Variants in GABBR2 observed in about 807,000 individuals in gnomAD.
GABBR2 encodes gamma-aminobutyric acid type B receptor subunit 2, also known as G-protein coupled receptor 51.
In GABBR2, 23 loss-of-function variants were observed where a neutral mutation model predicts 105.6. That is an observed-to-expected ratio of 0.22 (90% CI 0.16 to 0.31). The LOEUF (loss-of-function observed/expected upper bound fraction) is 0.31, where lower values mean the gene tolerates loss of function less well. GABBR2 is among the 10% of genes least tolerant of loss of function. The pLI, the probability that GABBR2 is intolerant of heterozygous loss-of-function variation, is 1.00. For missense variants in GABBR2, 734 were observed against 1,245.5 expected (o/e 0.59, Z 6.18); for synonymous variants, 478 against 499.7 (o/e 0.96, Z 0.58).
At chr9:98,505,138 T>C (rs377073780) in intron 3 of GABBR2, among the ~76,000 whole-genome samples, 4 of 152,366 alleles carry the variant, frequency 2.6e-5, no homozygotes, top group South Asian at 4.1e-4. Context: ...TAGTGAGGTC[T>C]TTCAAAGAAT....
intron 7 of GABBR2, among the ~76,000 whole-genome samples, chr9:98,417,732 T>C (rs1832713507): frequency 6.6e-6 from 1 of 151,820 alleles, no homozygotes; most frequent in Middle Eastern, 3.2e-3. Flanking sequence ...GATGACAGAA[T>C]TTTTTTGTGT....
Position 98,641,829 on chromosome 9 carries a change from G to C in GABBR2, c.322-63757C>G, listed in dbSNP as rs60981601. Among the ~76,000 whole-genome samples the C allele has an allele frequency of 9.5e-3, 1,451 of 152,260 alleles. 23 individuals are homozygous for C. Among genetic ancestry groups the C allele is most frequent in the African/African-American group, 0.033 (1,354 of 41,546 alleles). ...TGGCATCCAGCAGGGCCCTGGCCAG[G>C]TAAGTGTTTTAGAATAAAAGGAGAG... On this transcript the variant is annotated intron_variant, in intron 1 of 18. Coordinates refer to ENST00000259455, the MANE Select transcript of GABBR2 (RefSeq NM_005458.8).
chr9:98,296,372 A>T (rs1241219373), intron 17 of GABBR2, among the ~76,000 whole-genome samples: 1 of 152,188 alleles, frequency 6.6e-6, no homozygotes, highest in East Asian at 1.9e-4. Flanking sequence ...TAAGAAATAC[A>T]TTTCTGTTGT....
chr9:98,330,759 C>T (rs1444161975), intron 13 of GABBR2, among the ~76,000 whole-genome samples: 1 of 152,176 alleles, frequency 6.6e-6, no homozygotes, highest in Non-Finnish European at 1.5e-5. Flanking sequence ...GTAAGATTCA[C>T]ATAGCACAAA....
intron 12 of GABBR2, among the ~76,000 whole-genome samples, chr9:98,367,298 T>TAAAAAAAAAAA (rs368200743): frequency 1.8e-5 from 2 of 110,200 alleles, no homozygotes; most frequent in African/African-American, 3.4e-5. Context: ...TATATGTCAG[T>TAAAAAAAAAAA]AAAAAAAAAA....
chr9:98,390,375 C>CAAAAAAAAA (rs61216428), intron 9 of GABBR2, among the ~76,000 whole-genome samples: 353 of 32,424 alleles, frequency 0.011, 70 homozygotes, highest in African/African-American at 0.034. Context: ...CTCCATCTCA[C>CAAAAAAAAA]AAAAAAAAAA....
intron 1 of GABBR2, among the ~76,000 whole-genome samples, chr9:98,627,103 G>T (rs934632728): frequency 2.6e-5 from 4 of 152,158 alleles, no homozygotes; most frequent in African/African-American, 7.2e-5. Context: ...AGCCATAAGG[G>T]TGTGGGATCA....
chr9:98,361,089 T>G (rs1400267000), intron 13 of GABBR2, among the ~76,000 whole-genome samples: 1 of 152,340 alleles, frequency 6.6e-6, no homozygotes, highest in Non-Finnish European at 1.5e-5. Context: ...AACATTTCCC[T>G]GCCCTACTCA....
At chr9:98,322,916 T>G (rs867737948) in intron 13 of GABBR2, among the ~76,000 whole-genome samples, 1 of 152,138 alleles carries the variant, frequency 6.6e-6, no homozygotes, top group African/African-American at 2.4e-5. Flanking sequence ...CCCTGTCATC[T>G]GTACTTCCTC....
intron 7 of GABBR2, among the ~76,000 whole-genome samples, chr9:98,417,084 G>A (rs1353536841): frequency 1.3e-5 from 2 of 152,190 alleles, no homozygotes; most frequent in African/African-American, 4.8e-5. Flanking sequence ...GCTGGATGAA[G>A]CTTCCGAGGG....
In GABBR2 at chr9:98,550,883, G is replaced by A. The variant is rs570427248; in HGVS notation, c.460-8840C>T. On this transcript the variant is annotated intron_variant, in intron 2 of 18. Coordinates refer to ENST00000259455, the MANE Select transcript of GABBR2 (RefSeq NM_005458.8). ...ATTTGTGGAGAGTCTGTTCACACGG[G>A]GGATCCTTTGCAATCTTCCTGGGGG... 2.6e-5 allele frequency among the ~76,000 whole-genome samples: 4 copies of A among 152,142 alleles called. 1 individual carries two copies. In the South Asian group the frequency reaches 6.2e-4, roughly 24 times the overall value.
chr9:98,298,399 G>A (rs1830415558), intron 17 of GABBR2, among the ~76,000 whole-genome samples: 1 of 152,152 alleles, frequency 6.6e-6, no homozygotes, highest in Non-Finnish European at 1.5e-5. Context: ...GCACTGTGAT[G>A]AACATCTCTG....
chr9:98,683,580 C>T (rs1427793641), intron 1 of GABBR2, among the ~76,000 whole-genome samples: 2 of 152,154 alleles, frequency 1.3e-5, no homozygotes, highest in East Asian at 3.8e-4. Context: ...TCCCCTCTGG[C>T]CCAGCCAATG....
Position 98,675,228 on chromosome 9 carries a change from G to A in GABBR2, c.321+33189C>T, listed in dbSNP as rs576300480. Among the ~76,000 whole-genome samples, 13 of 152,324 alleles carry A rather than the reference G, an allele frequency of 8.5e-5. No individual in the cohort carries two copies. In the South Asian group the frequency reaches 2.7e-3, roughly 32 times the overall value. ...TGGTGACTTCCCAGCAAGCACGGCA[G>A]GATGGCAATGGTGCTTTGGTCAGTG... is the stretch of plus-strand genomic sequence containing the variant. On this transcript the variant is annotated intron_variant, in intron 1 of 18. Coordinates refer to ENST00000259455, the MANE Select transcript of GABBR2 (RefSeq NM_005458.8).
intron 4 of GABBR2, among the ~76,000 whole-genome samples, chr9:98,481,303 G>C (rs547047971): frequency 3.9e-5 from 6 of 152,322 alleles, no homozygotes; most frequent in Middle Eastern, 3.4e-3. Context: ...AACCTCCCCT[G>C]TTCTCCTCCC....
chr9:98,374,371 G>A (rs1417318159), intron 11 of GABBR2, among the ~76,000 whole-genome samples: 1 of 152,208 alleles, frequency 6.6e-6, no homozygotes, highest in East Asian at 1.9e-4. Flanking sequence ...AGGATGCCTG[G>A]GCAGAAAAGA....
intron 3 of GABBR2, among the ~76,000 whole-genome samples, chr9:98,514,909 G>A (rs902215543): frequency 1.3e-5 from 2 of 152,174 alleles, no homozygotes; most frequent in African/African-American, 2.4e-5. Context: ...GTCTAGGCTT[G>A]TGAGATATCA....
intron 5 of GABBR2, among the ~76,000 whole-genome samples, chr9:98,476,757 G>C (rs889152694): frequency 6.6e-6 from 1 of 151,980 alleles, no homozygotes; most frequent in Non-Finnish European, 1.5e-5. Flanking sequence ...ATGGCTTTTT[G>C]TCTCCTTTCT....
chr9:98,609,716 G>T (rs1765327731), intron 1 of GABBR2, among the ~76,000 whole-genome samples: 1 of 152,188 alleles, frequency 6.6e-6, no homozygotes, highest in African/African-American at 2.4e-5. Context: ...GCTGGGAGTG[G>T]CCTGGGGCAG....
Sources: gnomAD v4.1 joint callset for allele counts (sites outside exome capture counted in the v4.1 genomes callset) on GRCh38, gnomAD v4.1.1 for gene constraint, MANE v1.5 for transcripts, NCBI Gene and HGNC (gene_info 2026-07-23, HGNC 2026-07-21) for gene names.